The following IL1RAPL1 variants were observed in gnomAD, a reference collection of about 807,000 sequenced individuals.
IL1RAPL1 encodes interleukin 1 receptor accessory protein like 1.
IL1RAPL1 carries 3 observed loss-of-function variants against 48.4 expected under a neutral mutation model. The observed-to-expected ratio is 0.06, with a 90% CI of 0.03 to 0.16. The LOEUF is 0.16. Among genes scored for constraint, IL1RAPL1 ranks in the 10% least tolerant of loss-of-function variants. IL1RAPL1 has a pLI of 1.00. For synonymous variants in IL1RAPL1, 185 were observed against 187.7 expected (o/e 0.99, Z 0.12); for missense variants, 349 against 530.6 (o/e 0.66, Z 3.36).
chrX:29,431,859 G>A (rs62586477), intron 5 of IL1RAPL1, among the ~76,000 whole-genome samples: 2 of 111,179 alleles, frequency 1.8e-5, no homozygotes, highest in African/African-American at 6.5e-5. Context: ...ATTAGAAGGA[G>A]CCCCCTTAAA....
At chrX:28,730,358 ATTAT>A (rs1326700400) in intron 1 of IL1RAPL1, among the ~76,000 whole-genome samples, 73 of 111,644 alleles carry the variant, frequency 6.5e-4, no homozygotes, top group African/African-American at 2.3e-3. Context: ...TGTTTAAATA[ATTAT>A]TTCTTTCCTT....
At chrX:29,865,275 G>A (rs1931666462) in intron 6 of IL1RAPL1, among the ~76,000 whole-genome samples, 1 of 111,911 alleles carries the variant, frequency 8.9e-6, no homozygotes, top group Admixed American at 9.5e-5. Context: ...ATGACTTCAT[G>A]TTTATGTTCT....
chrX:28,921,137 TAAAAA>T (rs60807689), intron 2 of IL1RAPL1, among the ~76,000 whole-genome samples: 1 of 104,966 alleles, frequency 9.5e-6, no homozygotes, highest in Admixed American at 1.0e-4. Flanking sequence ...AAAAATGAGT[TAAAAA>T]AAAAACGAGT....
At chrX:29,870,154 G>A (rs144161316) in intron 6 of IL1RAPL1, among the ~76,000 whole-genome samples, 1,737 of 112,385 alleles carry the variant, frequency 0.015, 14 homozygotes, top group Middle Eastern at 0.033. Flanking sequence ...ATCATTCAGA[G>A]TCAATGAATC....
chrX:29,055,484 G>A (rs766291974), intron 2 of IL1RAPL1, among the ~76,000 whole-genome samples: 4 of 111,410 alleles, frequency 3.6e-5, no homozygotes, highest in Non-Finnish European at 7.5e-5. Flanking sequence ...CTATCAATAG[G>A]ACTTGAAAAA....
At chrX:29,552,526 T>TAA (rs932308623) in intron 5 of IL1RAPL1, among the ~76,000 whole-genome samples, 1 of 111,702 alleles carries the variant, frequency 9.0e-6, no homozygotes, top group African/African-American at 3.2e-5. Flanking sequence ...ATAAATACCA[T>TAA]AAAATTTGTT....
chrX:29,345,891 C>G (rs954747487), intron 3 of IL1RAPL1, among the ~76,000 whole-genome samples: 3 of 111,955 alleles, frequency 2.7e-5, no homozygotes, highest in African/African-American at 9.7e-5. Context: ...ATATTATTAG[C>G]TTAACTACCT....
chrX:29,944,276 C>G (rs1021119242), intron 9 of IL1RAPL1, among the ~76,000 whole-genome samples: 2 of 111,171 alleles, frequency 1.8e-5, no homozygotes, highest in African/African-American at 6.5e-5. Flanking sequence ...TTACTAGAAC[C>G]GCAATCACAT....
intron 5 of IL1RAPL1, among the ~76,000 whole-genome samples, chrX:29,657,799 T>G (rs1201900074): frequency 9.1e-6 from 1 of 110,061 alleles, no homozygotes; most frequent in Non-Finnish European, 1.9e-5. Flanking sequence ...AATAGACTAT[T>G]GTTCCTAGAA....
chrX:29,742,263 C>A (rs1281853118), intron 6 of IL1RAPL1, among the ~76,000 whole-genome samples: 1 of 111,668 alleles, frequency 9.0e-6, no homozygotes, highest in East Asian at 2.8e-4. Flanking sequence ...TTTCTTAAAC[C>A]TGCATTGTTA....
intron 1 of IL1RAPL1, among the ~76,000 whole-genome samples, chrX:28,609,664 A>G (rs868025846): frequency 1.4e-5 from 1 of 70,651 alleles, no homozygotes; most frequent in Non-Finnish European, 2.8e-5. Context: ...CACACACACA[A>G]CATACCTACC....
At chrX:29,775,979 T>G (rs1929186422) in intron 6 of IL1RAPL1, among the ~76,000 whole-genome samples, 2 of 111,046 alleles carry the variant, frequency 1.8e-5, no homozygotes, top group African/African-American at 6.5e-5. Context: ...TTTTGCTCAA[T>G]AATTTTTTTC....
chrX:29,439,726 A>C (rs1469086801), intron 5 of IL1RAPL1, among the ~76,000 whole-genome samples: 1 of 110,835 alleles, frequency 9.0e-6, no homozygotes, highest in African/African-American at 3.3e-5. Flanking sequence ...AGTCTTATAT[A>C]TTATATTTTG....
chrX:29,918,146 T>TATAA (rs1932816354), intron 7 of IL1RAPL1, among the ~76,000 whole-genome samples: 1 of 19,788 alleles, frequency 5.1e-5, no homozygotes, highest in Non-Finnish European at 9.8e-5. Flanking sequence ...AAAAAAAAAA[T>TATAA]ATATATATAT....
chrX:29,091,233 C>T (rs748889899), intron 2 of IL1RAPL1, among the ~76,000 whole-genome samples: 2 of 112,287 alleles, frequency 1.8e-5, no homozygotes, highest in African/African-American at 3.2e-5. Context: ...CAACAATCCT[C>T]TCCTTGATGC....
At chrX:29,099,446 A>T (rs1285427636) in intron 2 of IL1RAPL1, among the ~76,000 whole-genome samples, 1 of 112,166 alleles carries the variant, frequency 8.9e-6, no homozygotes, top group Non-Finnish European at 1.9e-5. Flanking sequence ...AACACTTTAT[A>T]AAAGTTAACT....
In IL1RAPL1 at chrX:28,610,652, G is replaced by A. The variant is rs147958480; in HGVS notation, c.-25+22605G>A. ...ATTGCCTAGTAAGAATCTGATGTTC[G>A]TAGAAAGTTCTGTACCCTTGTTGCA... On this transcript the variant is annotated intron_variant, in intron 1 of 10. Coordinates refer to ENST00000378993, the MANE Select transcript of IL1RAPL1 (RefSeq NM_014271.4). 8.9e-3 allele frequency among the ~76,000 whole-genome samples: 997 copies of A among 111,704 alleles called. 10 individuals carry two copies. The highest frequency in any genetic ancestry group is 0.03 in the African/African-American group (936 of 30,742).
chrX:29,918,493 G>A (rs191321372), intron 7 of IL1RAPL1, among the ~76,000 whole-genome samples: 4,061 of 82,039 alleles, frequency 0.05, 238 homozygotes, highest in African/African-American at 0.16. Flanking sequence ...CAACAAGAGC[G>A]AAACTCTGTC....
chrX:28,736,732 A>C (rs776615803), intron 1 of IL1RAPL1, among the ~76,000 whole-genome samples: 122 of 112,201 alleles, frequency 1.1e-3, no homozygotes, highest in Non-Finnish European at 1.7e-3. Context: ...TGGATAAAAA[A>C]GTAGGCAAAA....
Sources: gnomAD v4.1 joint callset for allele counts (sites outside exome capture counted in the v4.1 genomes callset) on GRCh38, gnomAD v4.1.1 for gene constraint, MANE v1.5 for transcripts, NCBI Gene and HGNC (gene_info 2026-07-23, HGNC 2026-07-21) for gene names.